Variants in PGBD2 observed in about 807,000 individuals in gnomAD.
PGBD2 encodes the protein piggyBac transposable element derived 2.
Under a neutral mutation model 8.1 loss-of-function variants are expected in PGBD2, and 6 were observed. That is an observed-to-expected ratio of 0.74 (90% CI 0.40 to 1.46). The LOEUF is 1.46. Among genes scored for constraint, PGBD2 ranks in the 40% most tolerant of loss-of-function variants. PGBD2 has a pLI of 0.02. For missense variants in PGBD2, 802 were observed against 739.0 expected (o/e 1.09, Z -0.99); for synonymous variants, 318 against 272.2 (o/e 1.17, Z -1.66).
chr1:248,878,468 C>T, the PGBD2 span, among the ~76,000 whole-genome samples: 8 of 152,304 alleles, frequency 5.3e-5, no homozygotes, highest in East Asian at 9.6e-4. Context: ...TGAGCCACCG[C>T]ACCTGCTTCC....
chr1:248,911,721 G>A (rs1180006592), intron 1 of PGBD2, among the ~76,000 whole-genome samples: 3,622 of 135,944 alleles, frequency 0.027, 11 homozygotes, highest in African/African-American at 0.082. Flanking sequence ...CTCACCTCCC[G>A]GACGGGGCGG....
the PGBD2 span, among the ~76,000 whole-genome samples, chr1:248,926,460 G>A: frequency 1.3e-5 from 2 of 152,192 alleles, no homozygotes; most frequent in African/African-American, 4.8e-5. Context: ...TCCAGGAGCT[G>A]CAAGCTGTAG....
chr1:248,890,815 CAACA>C, the PGBD2 span, among the ~76,000 whole-genome samples: 2 of 151,200 alleles, frequency 1.3e-5, no homozygotes, highest in African/African-American at 4.9e-5. Context: ...ACCACACACA[CAACA>C]TACACCACAC....
the PGBD2 span, among the ~76,000 whole-genome samples, chr1:248,891,365 G>A: frequency 3.9e-5 from 6 of 152,236 alleles, no homozygotes; most frequent in Non-Finnish European, 8.8e-5. Context: ...CTGTGCTGTA[G>A]ATATTTTTGA....
At chr1:248,926,486 T>C in the PGBD2 span, among the ~76,000 whole-genome samples, 1 of 152,222 alleles carries the variant, frequency 6.6e-6, no homozygotes, top group Non-Finnish European at 1.5e-5. Context: ...GCTTCTCGTC[T>C]ACGTCCTTCA....
chr1:248,886,163 G>GT, the PGBD2 span, among the ~76,000 whole-genome samples: 1 of 152,196 alleles, frequency 6.6e-6, no homozygotes, highest in African/African-American at 2.4e-5. Context: ...GATGAAGACA[G>GT]ATCTCTCAGT....
downstream of PGBD2, among the ~76,000 whole-genome samples, chr1:248,922,249 C>T (rs762504734): frequency 2.6e-5 from 4 of 151,870 alleles, no homozygotes; most frequent in Admixed American, 6.6e-5. Flanking sequence ...TTGGTAGAGA[C>T]GGGGTTTCAC....
chr1:248,895,527 T>G, the PGBD2 span, among the ~76,000 whole-genome samples: 1 of 151,988 alleles, frequency 6.6e-6, no homozygotes, highest in Non-Finnish European at 1.5e-5. Context: ...AATATCTTAA[T>G]GATATTTAAG....
At position 248,916,977 on chromosome 1, in the gene PGBD2, T is replaced by C. The variant is rs753405600; in HGVS notation, c.393T>C (p.Ile131=). 6.2e-7 allele frequency: 1 copy of C among 1,612,674 alleles called. No individual in the cohort carries two copies. The highest frequency in any genetic ancestry group is 8.5e-7 in the Non-Finnish European group (1 of 1,179,688). ...FGSWTASDPH[I]EDLKSQELSP... Reference sequence around the variant, plus strand: ...GTTGGACTGCATCAGATCCTCATATTGAGGATCTGAAAAGCCAAGAGCTGA... The same window carrying C: ...GTTGGACTGCATCAGATCCTCATATCGAGGATCTGAAAAGCCAAGAGCTGA... The change falls in exon 3 of 3, where the codon ATT becomes ATC. Residue 131 remains isoleucine, a synonymous_variant. Transcript: ENST00000329291.
the PGBD2 span, among the ~76,000 whole-genome samples, chr1:248,882,431 TTA>T: frequency 6.6e-6 from 1 of 152,176 alleles, no homozygotes; most frequent in African/African-American, 2.4e-5. Flanking sequence ...AGTATTTCCA[TTA>T]CCTATGATTA....
chr1:248,926,760 C>T, the PGBD2 span, among the ~76,000 whole-genome samples: 1 of 152,146 alleles, frequency 6.6e-6, no homozygotes, highest in African/African-American at 2.4e-5. Flanking sequence ...ATACTGAACA[C>T]TGAAATGAAC....
downstream of PGBD2, among the ~76,000 whole-genome samples, chr1:248,923,651 C>T (rs200057572): frequency 1.1e-4 from 17 of 152,258 alleles, no homozygotes; most frequent in East Asian, 3.3e-3. Flanking sequence ...CACATTATTG[C>T]TTGCTTACCA....
At chr1:248,891,904 T>C in the PGBD2 span, among the ~76,000 whole-genome samples, 15 of 152,252 alleles carry the variant, frequency 9.9e-5, no homozygotes, top group Non-Finnish European at 4.4e-5. Flanking sequence ...TTATACTTTC[T>C]AGGTAATGAC....
intron 2 of PGBD2, chr1:248,914,570 A>G (rs1029111753): frequency 5.4e-6 from 7 of 1,289,030 alleles, no homozygotes; most frequent in African/African-American, 4.6e-5. Context: ...GTCTGTACTG[A>G]TGCAGCTTCT....
At chr1:248,899,135 A>G in the PGBD2 span, among the ~76,000 whole-genome samples, 53 of 152,262 alleles carry the variant, frequency 3.5e-4, no homozygotes, top group African/African-American at 1.3e-3. Context: ...AGAAACTTAG[A>G]CTCCCCTACA....
intron 2 of PGBD2, chr1:248,914,633 G>T: frequency 7.8e-7 from 1 of 1,279,196 alleles, no homozygotes; most frequent in Non-Finnish European, 1.0e-6. Flanking sequence ...CGTAGAGGTT[G>T]GGGCCTGCAA....
rs765596898 is a variant in PGBD2, at chr1:248,918,389, TATA to T, written c.*29_*31del. 32 of 1,518,076 alleles carry T rather than the reference TATA, an allele frequency of 2.1e-5. No individual in the cohort carries two copies. The highest frequency in any genetic ancestry group is 2.7e-5 in the Non-Finnish European group (31 of 1,133,688). The allele number at this position is 1,518,076 out of a possible 1,614,324, so 94.0% of individuals were successfully genotyped here. On this transcript the variant is annotated 3_prime_UTR_variant, in exon 3 of 3. Coordinates refer to ENST00000329291, the MANE Select transcript of PGBD2 (RefSeq NM_170725.3). The stretch of plus-strand genomic sequence containing the variant: ...CATCATGAGACATGCTTCTTTGGTT[TATA>T]ATGAGATGTTTACAGTTAAATACAG...
chr1:248,924,438 T>G (rs146031282), downstream of PGBD2, among the ~76,000 whole-genome samples: 254 of 152,158 alleles, frequency 1.7e-3, 1 homozygote, highest in African/African-American at 5.3e-3. Context: ...TTTTGCCAAA[T>G]TTTTTTTCAA....
the PGBD2 span, among the ~76,000 whole-genome samples, chr1:248,926,483 G>A: frequency 2.0e-5 from 3 of 152,146 alleles, no homozygotes; most frequent in African/African-American, 2.4e-5. Context: ...GCAGCTTCTC[G>A]TCTACGTCCT....
Sources: gnomAD v4.1 joint callset for allele counts (sites outside exome capture counted in the v4.1 genomes callset) on GRCh38, gnomAD v4.1.1 for gene constraint, MANE v1.5 for transcripts, NCBI Gene and HGNC (gene_info 2026-07-23, HGNC 2026-07-21) for gene names.